Variants in GRM4 observed in about 807,000 individuals in gnomAD.
GRM4 encodes the protein metabotropic glutamate receptor 4.
In GRM4, 28 loss-of-function variants were observed where a neutral mutation model predicts 81.7. That is an observed-to-expected ratio of 0.34 (90% CI 0.25 to 0.47). The LOEUF is 0.47. GRM4 is among the 20% of genes least tolerant of loss of function. The pLI is 1.00. For missense variants in GRM4, 948 were observed against 1,290.0 expected, an observed-to-expected ratio of 0.73 and a Z score of 4.06; for synonymous variants, 488 against 528.8, an observed-to-expected ratio of 0.92 and a Z score of 1.06.
chr6:34,126,650 G>A (rs1039386289), intron 2 of GRM4, among the ~76,000 whole-genome samples: 1 of 152,218 alleles, frequency 6.6e-6, no homozygotes, highest in Non-Finnish European at 1.5e-5. Flanking sequence ...GGTAGGTCCA[G>A]CCACACCCAT....
chr6:34,129,482 T>C (rs1770153725), intron 2 of GRM4, among the ~76,000 whole-genome samples: 1 of 152,202 alleles, frequency 6.6e-6, no homozygotes, highest in African/African-American at 2.4e-5. Context: ...TGGGCTTGGG[T>C]GCCCACCAAA....
intron 2 of GRM4, among the ~76,000 whole-genome samples, chr6:34,100,437 C>T (rs750365185): frequency 6.6e-6 from 1 of 152,214 alleles, no homozygotes; most frequent in Non-Finnish European, 1.5e-5. Context: ...CAAAGACAGT[C>T]GAACTGGCCA....
chr6:34,154,422 C>T lies in GRM4; in HGVS notation c.312+657G>A, dbSNP rs1771105396. Among the ~76,000 whole-genome samples the T allele has an allele frequency of 3.3e-5, 5 of 152,154 alleles. No homozygotes were observed. The South Asian group carries it at 1.0e-3, about 32-fold the overall frequency. ...AAGCAGCACCCCTAGTCCAGAATTC[C>T]GAGGCATCCCGCTCACTGGTCTGCC... On this transcript the variant is annotated intron_variant, in intron 1 of 8. Transcript: ENST00000374177.
chr6:34,107,281 T>G (rs1014982326), intron 2 of GRM4, among the ~76,000 whole-genome samples: 1 of 152,104 alleles, frequency 6.6e-6, no homozygotes, highest in African/African-American at 2.4e-5. Flanking sequence ...TTCCACTCCC[T>G]CTAGCCCCTG....
chr6:34,151,712 C>A (rs1432839835), intron 1 of GRM4, among the ~76,000 whole-genome samples: 1 of 136,354 alleles, frequency 7.3e-6, no homozygotes, highest in African/African-American at 2.6e-5. Flanking sequence ...CCCGCCCCCA[C>A]CCCCACCCCA....
rs367633139 is a variant in GRM4 at position 34,060,672 on chromosome 6, G to A, written c.872+1221C>T. 12 of 152,420 alleles carry A rather than the reference G, an allele frequency of 7.9e-5. 1 individual carries two copies. The South Asian group carries it at 1.2e-3, about 16-fold the overall frequency. The allele number at this position is 152,420 out of a possible 1,614,324, so 9.4% of individuals were successfully genotyped here. A position where few individuals can be genotyped will look rare whatever the true frequency, so the allele number is the denominator to read the frequency against. On this transcript the variant is annotated intron_variant, in intron 4 of 10. Coordinates refer to ENST00000538487, the MANE Select transcript of GRM4 (RefSeq NM_000841.4). Reference sequence around the variant, plus strand: ...TACCAGGCTTTGGGATGGGAGTAGGGGGCAGGAAGTCAGGGAGTGGGGCCC... The same window carrying A: ...TACCAGGCTTTGGGATGGGAGTAGGAGGCAGGAAGTCAGGGAGTGGGGCCC...
intron 3 of GRM4, among the ~76,000 whole-genome samples, chr6:34,087,799 T>TACACACACACACATACACACAC (rs1767987991): frequency 1.1e-5 from 1 of 88,340 alleles, no homozygotes; most frequent in Admixed American, 1.4e-4. Context: ...CATGCACCCC[T>TACACACACACACATACACACAC]ACACACACAC....
At chr6:34,077,677 T>C (rs1041850381) in intron 3 of GRM4, among the ~76,000 whole-genome samples, 1 of 151,834 alleles carries the variant, frequency 6.6e-6, no homozygotes, top group Non-Finnish European at 1.5e-5. Context: ...GCACCTGCAG[T>C]TTCCAACATA....
rs993160362 is a variant in GRM4 at position 34,115,414 on chromosome 6, G to A, written c.519+17564C>T. On this transcript the variant is annotated intron_variant, in intron 2 of 10. Coordinates refer to ENST00000538487, the MANE Select transcript of GRM4 (RefSeq NM_000841.4). This position sits in a 1 kb window ranked among gnomAD's most constrained non-coding sequence, Gnocchi z 4.1. ...ATCACGGCACCCGCACCGTCTGCCCGGCCACATGCCCAACTCCCACCAAAA... is the reference window on the plus strand; with the variant it reads ...ATCACGGCACCCGCACCGTCTGCCCAGCCACATGCCCAACTCCCACCAAAA... Among the ~76,000 whole-genome samples the A allele has an allele frequency of 1.3e-5, 2 of 152,118 alleles. No individual in the cohort carries two copies. Among genetic ancestry groups the A allele is most frequent in the South Asian group, 2.1e-4 (1 of 4,826 alleles).
At chr6:34,132,854 T>C (rs985082852) in intron 2 of GRM4, 124 bp downstream of exon 2, 2 of 724,356 alleles carry the variant, frequency 2.8e-6, no homozygotes, top group Non-Finnish European at 4.5e-6. Flanking sequence ...AGGAAAAAAC[T>C]GTCCCTTAGA....
intron 1 of GRM4, among the ~76,000 whole-genome samples, chr6:34,138,720 T>C (rs567755843): frequency 5.9e-5 from 9 of 152,166 alleles, no homozygotes; most frequent in Non-Finnish European, 1.2e-4. Context: ...AGTTAGCCCT[T>C]CAAATCCTCG....
intron 6 of GRM4, among the ~76,000 whole-genome samples, chr6:34,049,283 C>T (rs757095485): frequency 1.3e-5 from 2 of 152,088 alleles, no homozygotes; most frequent in African/African-American, 2.4e-5. Context: ...CTCACTTGGC[C>T]CCTGGACAGC....
Position 34,056,720 on chromosome 6 carries a change from C to T in GRM4, c.1028-36G>A, listed in dbSNP as rs1330017582. ...ACCAGGACGTCAGGGCCTCACTGGC[C>T]TTCTTCCCCACCAGCCCCAGCCCTC... On this transcript the variant is annotated intron_variant, in intron 5 of 10. Transcript: ENST00000538487. 3.1e-6 allele frequency: 5 copies of T among 1,599,964 alleles called. No individual in the cohort carries two copies. The East Asian group carries it at 9.0e-5, about 29-fold the overall frequency.
rs1195467834 is a variant in GRM4 at position 34,070,818 on chromosome 6, A to G, written c.737-8790T>C. On this transcript the variant is annotated intron_variant, in intron 3 of 10. Transcript: ENST00000538487. This position sits in a 1 kb window ranked among gnomAD's most constrained non-coding sequence, Gnocchi z 4.6. ...CACACACACACACACACACACACACACGGCAATGCACACCCTTACAAAATC... is the reference window on the plus strand; with the variant it reads ...CACACACACACACACACACACACACGCGGCAATGCACACCCTTACAAAATC... Among the ~76,000 whole-genome samples, 1 of 130,792 alleles carries G rather than the reference A, an allele frequency of 7.6e-6. No homozygotes were observed. Among genetic ancestry groups the G allele is most frequent in the Admixed American group, 7.6e-5 (1 of 13,238 alleles). 85.8% of individuals were successfully genotyped at this position (130,792 alleles called of 152,430 possible).
Position 34,064,947 on chromosome 6 carries a change from C to G in GRM4, c.737-2919G>C, listed in dbSNP as rs905029138. ...CAGTCAGTGGGACTGCAATCCTGGTCTGTGTCCAGAGCCTCCCTGAGGCGG... is the reference window on the plus strand; with the variant it reads ...CAGTCAGTGGGACTGCAATCCTGGTGTGTGTCCAGAGCCTCCCTGAGGCGG... On this transcript the variant is annotated intron_variant, in intron 3 of 10. Transcript: ENST00000538487. The surrounding 1 kb of genome is among the most constrained non-coding windows in gnomAD (Gnocchi z 4.4). Among the ~76,000 whole-genome samples, 5 of 152,196 alleles carry G rather than the reference C, an allele frequency of 3.3e-5. No individual in the cohort carries two copies. Among genetic ancestry groups the G allele is most frequent in the Non-Finnish European group, 7.4e-5 (5 of 68,026 alleles).
chr6:34,127,063 A>T (rs1387387569), intron 2 of GRM4, among the ~76,000 whole-genome samples: 1 of 152,220 alleles, frequency 6.6e-6, no homozygotes, highest in East Asian at 1.9e-4. Flanking sequence ...TTAAAACATA[A>T]AGGCCTTTTT....
At position 34,089,949 on chromosome 6, in the gene GRM4, C is replaced by T. The variant is rs1449929574; in HGVS notation, c.736+1934G>A. Among the ~76,000 whole-genome samples, 1 of 152,142 alleles carries T rather than the reference C, an allele frequency of 6.6e-6. No individual in the cohort carries two copies. ...CGCAAATGACAGAAGACAGAGAAGACAAGAGTACAGAAACAGATGAGACCT... is the reference window on the plus strand; with the variant it reads ...CGCAAATGACAGAAGACAGAGAAGATAAGAGTACAGAAACAGATGAGACCT... On this transcript the variant is annotated intron_variant, in intron 3 of 10. Coordinates refer to ENST00000538487, the MANE Select transcript of GRM4 (RefSeq NM_000841.4). The surrounding 1 kb of genome is among the most constrained non-coding windows in gnomAD (Gnocchi z 4.3).
intron 3 of GRM4, among the ~76,000 whole-genome samples, chr6:34,087,514 A>G (rs1428836388): frequency 6.6e-6 from 1 of 151,378 alleles, no homozygotes; most frequent in Non-Finnish European, 1.5e-5. Flanking sequence ...ACTCACTGGC[A>G]TTATCTCCAG....
chr6:34,081,021 G>A (rs1196186476), intron 3 of GRM4, among the ~76,000 whole-genome samples: 1 of 152,158 alleles, frequency 6.6e-6, no homozygotes, highest in Non-Finnish European at 1.5e-5. Flanking sequence ...GTGGGGCAGG[G>A]CCTTCTGAGG....
Sources: allele counts gnomAD v4.1 joint callset (sites outside exome capture counted in the v4.1 genomes callset), GRCh38; gene constraint gnomAD v4.1.1; non-coding constraint Gnocchi (gnomAD v3.1); transcripts MANE v1.5; gene names NCBI Gene and HGNC (gene_info 2026-07-23, HGNC 2026-07-21).